The following LGSN variants were observed in gnomAD, a reference collection of about 807,000 sequenced individuals.
The protein encoded by LGSN is lengsin.
LGSN carries 21 observed loss-of-function variants against 19.5 expected under a neutral mutation model. The ratio of observed to expected loss-of-function variants is 1.07; its 90% CI spans 0.76 to 1.55. The LOEUF (loss-of-function observed/expected upper bound fraction) is 1.55, where lower values mean the gene tolerates loss of function less well. LGSN is among the 40% of genes most tolerant of loss of function. The pLI, the probability that LGSN is intolerant of heterozygous loss-of-function variation, is 0.00. For synonymous variants in LGSN, 257 were observed against 215.6 expected, an observed-to-expected ratio of 1.19 and a Z score of -1.68; for missense variants, 673 against 608.5, an observed-to-expected ratio of 1.11 and a Z score of -1.12.
the LGSN span, among the ~76,000 whole-genome samples, chr6:63,443,106 G>T: frequency 6.6e-6 from 1 of 152,232 alleles, no homozygotes; most frequent in South Asian, 2.1e-4. Context: ...GGTGGCTGAG[G>T]CCTGGTAAGA....
At chr6:63,460,188 G>A in the LGSN span, among the ~76,000 whole-genome samples, 1 of 126,864 alleles carries the variant, frequency 7.9e-6, no homozygotes, top group South Asian at 2.6e-4. Flanking sequence ...TCGAACTCCT[G>A]ACCTCGTGAT....
the LGSN span, among the ~76,000 whole-genome samples, chr6:63,388,114 G>A: frequency 5.3e-5 from 8 of 151,490 alleles, no homozygotes; most frequent in Non-Finnish European, 8.8e-5. Flanking sequence ...GACCTCAGGT[G>A]ACCTACCTGC....
the LGSN span, among the ~76,000 whole-genome samples, chr6:63,461,684 C>G: frequency 1.3e-5 from 2 of 152,190 alleles, no homozygotes; most frequent in African/African-American, 4.8e-5. Context: ...CTACATTGGA[C>G]AGTTGGCAAA....
At chr6:63,326,696 G>T in the LGSN span, among the ~76,000 whole-genome samples, 3 of 152,228 alleles carry the variant, frequency 2.0e-5, no homozygotes, top group African/African-American at 7.2e-5. Flanking sequence ...GCTGGCCTGG[G>T]TGCTAAGCCC....
the LGSN span, among the ~76,000 whole-genome samples, chr6:63,467,826 G>T: frequency 1.2e-4 from 18 of 152,002 alleles, no homozygotes; most frequent in African/African-American, 4.3e-4. Flanking sequence ...TGAGTAGCTG[G>T]GATTACAGGA....
At chr6:63,559,818 T>A in the LGSN span, among the ~76,000 whole-genome samples, 1 of 151,896 alleles carries the variant, frequency 6.6e-6, no homozygotes, top group Non-Finnish European at 1.5e-5. Context: ...ACTTTGGGAG[T>A]CTGAGGCAGG....
chr6:63,502,356 T>C, the LGSN span, among the ~76,000 whole-genome samples: 4 of 152,328 alleles, frequency 2.6e-5, no homozygotes, highest in East Asian at 7.7e-4. Flanking sequence ...ACTGCTTACC[T>C]GCTAGGGCAA....
At chr6:63,411,022 A>G in the LGSN span, among the ~76,000 whole-genome samples, 1 of 152,300 alleles carries the variant, frequency 6.6e-6, no homozygotes, top group East Asian at 1.9e-4. Context: ...TAGGAAATGT[A>G]AATTGTGCCT....
chr6:63,317,326 G>A (rs1414913322), intron 1 of LGSN, among the ~76,000 whole-genome samples: 1 of 152,182 alleles, frequency 6.6e-6, no homozygotes, highest in Non-Finnish European at 1.5e-5. Context: ...GTGAGGTACA[G>A]AGAAGTCCAA....
chr6:63,324,594 A>T (rs962347339), upstream of LGSN, among the ~76,000 whole-genome samples: 2 of 152,178 alleles, frequency 1.3e-5, no homozygotes, highest in Admixed American at 6.5e-5. Flanking sequence ...AATAAAACTA[A>T]AAATCAACAT....
intron 1 of LGSN, among the ~76,000 whole-genome samples, chr6:63,304,513 T>C (rs890777538): frequency 6.6e-6 from 1 of 152,206 alleles, no homozygotes; most frequent in Non-Finnish European, 1.5e-5. Flanking sequence ...TGTACATGAA[T>C]AAATACACTG....
the LGSN span, chr6:63,441,727 T>G: frequency 2.4e-6 from 1 of 411,460 alleles, no homozygotes; most frequent in Admixed American, 2.9e-5. Flanking sequence ...AGGAAACAAA[T>G]TAGGCCCCCA....
chr6:63,553,208 T>C, the LGSN span, among the ~76,000 whole-genome samples: 1 of 152,370 alleles, frequency 6.6e-6, no homozygotes, highest in Non-Finnish European at 1.5e-5. Context: ...AATTGTGTGA[T>C]ACAGCTTAGT....
At chr6:63,467,769 G>A in the LGSN span, among the ~76,000 whole-genome samples, 2 of 152,144 alleles carry the variant, frequency 1.3e-5, no homozygotes, top group Admixed American at 1.3e-4. Context: ...TCGGCTCACT[G>A]CAACCTCAGC....
the LGSN span, among the ~76,000 whole-genome samples, chr6:63,334,854 T>C: frequency 2.6e-5 from 4 of 151,998 alleles, no homozygotes; most frequent in East Asian, 1.9e-4. Flanking sequence ...AGAAAATACA[T>C]TGGGCTGGGC....
the LGSN span, chr6:63,481,672 T>A: frequency 4.6e-4 from 74 of 160,094 alleles, 1 homozygote; most frequent in East Asian, 2.6e-3. Flanking sequence ...TAAAATTTTT[T>A]AAAAAAAATT....
intron 1 of LGSN, among the ~76,000 whole-genome samples, chr6:63,315,604 C>A: frequency 1.3e-5 from 1 of 75,788 alleles, no homozygotes; most frequent in South Asian, 6.0e-4. Context: ...CTAAAATGTT[C>A]TCTCTCTCTC....
the LGSN span, among the ~76,000 whole-genome samples, chr6:63,328,002 C>A: frequency 1.3e-5 from 2 of 152,210 alleles, no homozygotes; most frequent in African/African-American, 2.4e-5. Flanking sequence ...AACTCCCATT[C>A]TTTCCATATC....
At chr6:63,410,564 C>T in the LGSN span, among the ~76,000 whole-genome samples, 1 of 151,918 alleles carries the variant, frequency 6.6e-6, no homozygotes, top group East Asian at 1.9e-4. Flanking sequence ...AACTATAAAC[C>T]CACAAGGCTA....
Sources: allele counts gnomAD v4.1 joint callset (sites outside exome capture counted in the v4.1 genomes callset), GRCh38; gene constraint gnomAD v4.1.1; transcripts MANE v1.5; gene names NCBI Gene and HGNC (gene_info 2026-07-23, HGNC 2026-07-21).